CPVL: variants seen among roughly 807,000 people sequenced by gnomAD.
CPVL encodes the protein carboxypeptidase vitellogenic like, also known as probable serine carboxypeptidase CPVL.
Under a neutral mutation model 63.7 loss-of-function variants are expected in CPVL, and 51 were observed. The observed-to-expected ratio is 0.80, with a 90% CI of 0.64 to 1.01. The LOEUF (loss-of-function observed/expected upper bound fraction) is 1.01, where lower values mean the gene tolerates loss of function less well. Among genes scored for constraint, CPVL ranks in the 50% least tolerant of loss-of-function variants. The pLI is 0.00. For missense variants in CPVL, 530 were observed against 573.1 expected, an observed-to-expected ratio of 0.92 and a Z score of 0.77; for synonymous variants, 195 against 206.0, an observed-to-expected ratio of 0.95 and a Z score of 0.46.
chr7:29,165,341 A>G (rs554411055), intron 5 of CPVL, among the ~76,000 whole-genome samples: 13 of 152,290 alleles, frequency 8.5e-5, no homozygotes, highest in African/African-American at 1.7e-4. Context: ...TTACTACTGT[A>G]TAGAAACAAA....
chr7:29,045,673 C>T (rs1327566101), intron 11 of CPVL, among the ~76,000 whole-genome samples: 1 of 152,194 alleles, frequency 6.6e-6, no homozygotes, highest in African/African-American at 2.4e-5. Context: ...GAATTAGTAT[C>T]ATTTAAGTGT....
intron 5 of CPVL, among the ~76,000 whole-genome samples, chr7:29,174,535 G>A (rs192211589): frequency 7.0e-4 from 107 of 152,222 alleles, no homozygotes; most frequent in Non-Finnish European, 1.4e-3. Context: ...GATTTGGAAG[G>A]GGCAGAAAGA....
chr7:29,114,622 C>A (rs557792919), intron 2 of CPVL, among the ~76,000 whole-genome samples: 1 of 151,852 alleles, frequency 6.6e-6, no homozygotes, highest in African/African-American at 2.4e-5. Context: ...ACAGCGAGAC[C>A]CTGTCTCAAA....
At chr7:29,074,970 T>C (rs577440632) in intron 7 of CPVL, among the ~76,000 whole-genome samples, 80 of 152,050 alleles carry the variant, frequency 5.3e-4, no homozygotes, top group Non-Finnish European at 9.7e-4. Context: ...AATAGGTAAA[T>C]AAAAACACAC....
chr7:29,065,833 G>A (rs1783081020), intron 10 of CPVL, among the ~76,000 whole-genome samples, 190 bp downstream of exon 10: 1 of 152,152 alleles, frequency 6.6e-6, no homozygotes, highest in Non-Finnish European at 1.5e-5. Context: ...CACATTCTCA[G>A]TGGTCAGATT....
At chr7:29,160,552 A>G (rs1309725472) in intron 5 of CPVL, among the ~76,000 whole-genome samples, 7 of 152,126 alleles carry the variant, frequency 4.6e-5, no homozygotes, top group Non-Finnish European at 8.8e-5. Context: ...ATATAATGAG[A>G]ATTCTAATGG....
In CPVL at chr7:29,092,086, T is replaced by A. The variant is rs142386896; in HGVS notation, c.542+537A>T. ...ATAAGAAAGGTCACTTGCTTTTTTT[T>A]AAAAATGCTAAAAATAGCAATGATT... On this transcript the variant is annotated intron_variant, in intron 6 of 12. Coordinates refer to ENST00000265394, the MANE Select transcript of CPVL (RefSeq NM_031311.5). 7.6e-4 allele frequency among the ~76,000 whole-genome samples: 116 copies of A among 151,878 alleles called. 1 individual carries two copies. Among genetic ancestry groups the A allele is most frequent in the Non-Finnish European group, 1.0e-3 (68 of 67,970 alleles).
At chr7:29,145,908 A>G (rs1277941598) in intron 1 of CPVL, 6 of 152,166 alleles carry the variant, frequency 3.9e-5, no homozygotes, top group Non-Finnish European at 7.3e-5. Context: ...CCTACATTCC[A>G]AGAATAAAAG....
At chr7:29,092,036 T>G (rs1785862727) in intron 6 of CPVL, among the ~76,000 whole-genome samples, 1 of 152,098 alleles carries the variant, frequency 6.6e-6, no homozygotes, top group Non-Finnish European at 1.5e-5. Context: ...TAGTAATAAT[T>G]TGTAGACTGG....
At chr7:29,162,802 AG>A (rs933894981) in intron 5 of CPVL, among the ~76,000 whole-genome samples, 1 of 152,238 alleles carries the variant, frequency 6.6e-6, no homozygotes, top group Non-Finnish European at 1.5e-5. Context: ...TGGCTGCCAA[AG>A]GTTAGGGAAG....
At chr7:29,073,970 C>G (rs1464542174) in intron 7 of CPVL, among the ~76,000 whole-genome samples, 1 of 152,218 alleles carries the variant, frequency 6.6e-6, no homozygotes, top group African/African-American at 2.4e-5. Context: ...AGACCCTTCA[C>G]AGCATCTCCA....
intron 3 of CPVL, among the ~76,000 whole-genome samples, chr7:29,109,153 C>T (rs539235787): frequency 6.6e-6 from 1 of 152,302 alleles, no homozygotes; most frequent in African/African-American, 2.4e-5. Flanking sequence ...TGCTAGTTTC[C>T]TTATACTTTT....
At chr7:29,030,124 G>A (rs950638885) in intron 12 of CPVL, among the ~76,000 whole-genome samples, 1 of 152,210 alleles carries the variant, frequency 6.6e-6, no homozygotes, top group Non-Finnish European at 1.5e-5. Context: ...GGAAGATGAT[G>A]AGAGTAACAT....
intron 5 of CPVL, among the ~76,000 whole-genome samples, chr7:29,159,339 G>A (rs1483492961): frequency 1.3e-5 from 2 of 152,202 alleles, no homozygotes; most frequent in African/African-American, 2.4e-5. Context: ...CCAAATGCCT[G>A]CAGCATCCTG....
At chr7:29,011,038 A>G (rs1362675765) in intron 12 of CPVL, 1 of 152,218 alleles carries the variant, frequency 6.6e-6, no homozygotes, top group Non-Finnish European at 1.5e-5. Context: ...TATGGTAACA[A>G]AAGTAGTTAG....
intron 5 of CPVL, 49 bp downstream of exon 5, chr7:29,095,035 A>G (rs1786250047): frequency 7.2e-7 from 1 of 1,385,580 alleles, no homozygotes; most frequent in South Asian, 1.2e-5. Flanking sequence ...AAAAAATAAA[A>G]GACAGGAGAC....
chr7:29,126,057 T>C (rs938953845), intron 1 of CPVL, among the ~76,000 whole-genome samples: 5 of 152,252 alleles, frequency 3.3e-5, no homozygotes, highest in Non-Finnish European at 5.9e-5. Context: ...TAAACTGTTA[T>C]TGAAGAAGTT....
intron 9 of CPVL, among the ~76,000 whole-genome samples, chr7:29,069,769 A>AGTGTGT (rs1783536816): frequency 8.7e-6 from 1 of 114,698 alleles, no homozygotes; most frequent in African/African-American, 3.5e-5. Context: ...CTCACCAGTA[A>AGTGTGT]ATGTGTGTGT....
At chr7:29,119,287 G>A (rs938073164) in intron 2 of CPVL, among the ~76,000 whole-genome samples, 2 of 152,166 alleles carry the variant, frequency 1.3e-5, no homozygotes, top group African/African-American at 4.8e-5. Context: ...AGGAGTTTGA[G>A]ACAAGCTTGG....
Sources: gnomAD v4.1 joint callset for allele counts (sites outside exome capture counted in the v4.1 genomes callset) on GRCh38, gnomAD v4.1.1 for gene constraint, MANE v1.5 for transcripts, NCBI Gene and HGNC (gene_info 2026-07-23, HGNC 2026-07-21) for gene names.